The following PKP2 variants were observed in gnomAD, a reference collection of about 807,000 sequenced individuals.
PKP2 encodes the protein plakophilin-2.
A neutral mutation model predicts 83.4 loss-of-function variants in PKP2; 73 were observed. That is an observed-to-expected ratio of 0.88 (90% CI 0.72 to 1.06). The LOEUF (loss-of-function observed/expected upper bound fraction) is 1.06. Ranked by LOEUF, PKP2 falls within the 50% of genes least tolerant of loss-of-function variation. PKP2 has a pLI of 0.00. For synonymous variants in PKP2, 409 were observed against 430.4 expected, an observed-to-expected ratio of 0.95 and a Z score of 0.62; for missense variants, 966 against 1,065.4, an observed-to-expected ratio of 0.91 and a Z score of 1.30.
chr12:32,878,871 T>A lies in PKP2; in HGVS notation c.336+49A>T, dbSNP rs759583856. On this transcript the variant is annotated intron_variant, in intron 2 of 12. Coordinates refer to ENST00000340811, the MANE Select transcript of PKP2 (RefSeq NM_001005242.3). ...ATAATCTTAGGAAGTTTGAAAATAT[T>A]TTCATGGTAGTAATCTGATCACTAG... The A allele has an allele frequency of 1.5e-5, 15 of 981,522 alleles. No individual in the cohort carries two copies. The South Asian group carries it at 1.9e-4, about 13-fold the overall frequency. The allele number at this position is 981,522 out of a possible 1,614,324, so 60.8% of individuals were successfully genotyped here.
chr12:32,864,016 C>T (rs1048997357), intron 4 of PKP2, among the ~76,000 whole-genome samples: 2 of 151,782 alleles, frequency 1.3e-5, no homozygotes, highest in African/African-American at 4.9e-5. Flanking sequence ...AGGTAATTTA[C>T]CATAATGGCA....
chr12:32,872,837 A>G (rs1956905778), intron 3 of PKP2, among the ~76,000 whole-genome samples: 1 of 149,188 alleles, frequency 6.7e-6, no homozygotes, highest in Admixed American at 6.6e-5. Flanking sequence ...CGTTGAGGGC[A>G]CTATAAAAGG....
chr12:32,848,199 G>A (rs1270369401), intron 5 of PKP2, among the ~76,000 whole-genome samples: 2 of 152,186 alleles, frequency 1.3e-5, no homozygotes, highest in Admixed American at 6.5e-5. Context: ...GAGGCAGGCG[G>A]ATCGCCTGAG....
intron 6 of PKP2, among the ~76,000 whole-genome samples, chr12:32,827,607 A>C (rs924884250): frequency 2.0e-5 from 3 of 152,230 alleles, no homozygotes; most frequent in African/African-American, 7.2e-5. Context: ...TTTACAACGT[A>C]TCTCTTGAAT....
chr12:32,807,827 C>A (rs1016308318), intron 9 of PKP2, among the ~76,000 whole-genome samples: 3 of 152,172 alleles, frequency 2.0e-5, no homozygotes, highest in South Asian at 4.1e-4. Context: ...GTTGGAAATT[C>A]TTTTCTTTAA....
At chr12:32,817,156 A>G (rs556458018) in intron 9 of PKP2, among the ~76,000 whole-genome samples, 1 of 152,358 alleles carries the variant, frequency 6.6e-6, no homozygotes, top group African/African-American at 2.4e-5. Context: ...GGTCTTTGAC[A>G]AAGTTGACAA....
At chr12:32,890,009 G>A (rs897057835) in intron 1 of PKP2, among the ~76,000 whole-genome samples, 3 of 145,140 alleles carry the variant, frequency 2.1e-5, no homozygotes, top group African/African-American at 7.6e-5. Context: ...CGAGGAGACG[G>A]AGGTTGCAGT....
intron 4 of PKP2, among the ~76,000 whole-genome samples, chr12:32,858,048 G>T (rs1315829309): frequency 1.9e-5 from 2 of 103,918 alleles, no homozygotes; most frequent in Non-Finnish European, 3.6e-5. Flanking sequence ...GGGAACACAG[G>T]GAGACCCCAT....
chr12:32,872,084 T>C (rs1956900339), intron 3 of PKP2, among the ~76,000 whole-genome samples: 1 of 152,138 alleles, frequency 6.6e-6, no homozygotes, highest in Non-Finnish European at 1.5e-5. Context: ...GAAGAGAAGT[T>C]GTTCCCTAGC....
At chr12:32,815,643 G>T (rs919218888) in intron 9 of PKP2, among the ~76,000 whole-genome samples, 31 of 152,190 alleles carry the variant, frequency 2.0e-4, no homozygotes, top group Middle Eastern at 3.4e-3. Context: ...TAAAACATGA[G>T]AATTTCTTGA....
At chr12:32,865,579 G>C (rs7138559) in intron 4 of PKP2, among the ~76,000 whole-genome samples, 1 of 149,488 alleles carries the variant, frequency 6.7e-6, no homozygotes, top group Non-Finnish European at 1.5e-5. Context: ...CCAGCTACTT[G>C]GGAGGCTGAG....
At chr12:32,864,243 T>C (rs1208344518) in intron 4 of PKP2, among the ~76,000 whole-genome samples, 1 of 151,332 alleles carries the variant, frequency 6.6e-6, no homozygotes, top group African/African-American at 2.4e-5. Context: ...AGAAACAGGA[T>C]AATATGCCCA....
intron 5 of PKP2, among the ~76,000 whole-genome samples, chr12:32,843,520 T>C (rs1386017468): frequency 6.6e-6 from 1 of 152,258 alleles, no homozygotes; most frequent in African/African-American, 2.4e-5. Flanking sequence ...CTTTTGGGCT[T>C]AAACAGTTTG....
At chr12:32,877,324 G>C (rs1866620656) in intron 3 of PKP2, among the ~76,000 whole-genome samples, 1 of 152,084 alleles carries the variant, frequency 6.6e-6, no homozygotes, top group Non-Finnish European at 1.5e-5. Flanking sequence ...ACTGCCAAAA[G>C]AATACCCCTT....
At chr12:32,890,963 A>AG (rs1223956724) in intron 1 of PKP2, among the ~76,000 whole-genome samples, 2 of 151,934 alleles carry the variant, frequency 1.3e-5, no homozygotes, top group Non-Finnish European at 2.9e-5. Flanking sequence ...AAAAAAAAAA[A>AG]AAAAAGAAAA....
intron 10 of PKP2, among the ~76,000 whole-genome samples, chr12:32,799,101 G>A (rs1056283419): frequency 6.6e-6 from 1 of 152,110 alleles, no homozygotes; most frequent in Non-Finnish European, 1.5e-5. Context: ...AGTGGGCTAA[G>A]GACATGAATA....
At chr12:32,863,127 G>T in intron 4 of PKP2, 1 of 164,722 alleles carries the variant, frequency 6.1e-6, no homozygotes. Context: ...TCTGTAGTCC[G>T]AGGCCATTTT....
At chr12:32,860,421 TTC>T (rs902756949) in intron 4 of PKP2, among the ~76,000 whole-genome samples, 1 of 152,196 alleles carries the variant, frequency 6.6e-6, no homozygotes, top group African/African-American at 2.4e-5. Flanking sequence ...ACAATGACTA[TTC>T]TTATCAGCCA....
intron 8 of PKP2, chr12:32,821,767 G>T: frequency 4.1e-6 from 2 of 489,438 alleles, no homozygotes; most frequent in Non-Finnish European, 7.4e-6. Context: ...TTCTCCCAGT[G>T]AGAGAAAATT....
Sources: allele counts gnomAD v4.1 joint callset (sites outside exome capture counted in the v4.1 genomes callset), GRCh38; gene constraint gnomAD v4.1.1; transcripts MANE v1.5; gene names NCBI Gene and HGNC (gene_info 2026-07-23, HGNC 2026-07-21).